The following PCDHA3 variants were observed in gnomAD, a reference collection of about 807,000 sequenced individuals.
PCDHA3 encodes the protein protocadherin alpha 3.
Under a neutral mutation model 62.2 loss-of-function variants are expected in PCDHA3, and 41 were observed. The observed-to-expected ratio is 0.66, with a 90% CI of 0.51 to 0.86. The LOEUF (loss-of-function observed/expected upper bound fraction) is 0.86. Among genes scored for constraint, PCDHA3 ranks in the 40% least tolerant of loss-of-function variants. The pLI is 0.00. For synonymous variants in PCDHA3, 640 were observed against 555.4 expected, an observed-to-expected ratio of 1.15 and a Z score of -2.14; for missense variants, 1,304 against 1,241.2, an observed-to-expected ratio of 1.05 and a Z score of -0.76.
At chr5:140,836,935 T>C in intron 1 of PCDHA3, 1 of 475,564 alleles carries the variant, frequency 2.1e-6, no homozygotes. Context: ...CGTAATACTA[T>C]AGATCAAAAT....
At chr5:140,978,907 G>A (rs782602741) in intron 1 of PCDHA3, 42 bp from the exon 2 acceptor site, 3 of 1,613,766 alleles carry the variant, frequency 1.9e-6, no homozygotes, top group South Asian at 2.2e-5. Context: ...GGAGAACATT[G>A]TCTTGTCATT....
chr5:140,837,517 T>G (rs11420784), intron 1 of PCDHA3, among the ~76,000 whole-genome samples: 2 of 28,958 alleles, frequency 6.9e-5, no homozygotes, highest in African/African-American at 3.1e-4. Context: ...AGCAGTTTAC[T>G]TTTTTTGTAT....
At position 140,801,379 on chromosome 5, in the gene PCDHA3, C is replaced by T. The variant is rs7731327; in HGVS notation, c.182C>T (p.Pro61Leu). The change falls in exon 1 of 4, where the codon CCG becomes CTG. Residue 61 changes from proline (P) to leucine (L), a missense_variant. Pro to Leu is a moderately conservative substitution (Grantham distance 98). Transcript: ENST00000522353. ...GGGCTGGAGCTGGCGGAGCTGGTGCCGCGCCTGTTCCGGGTGGCGTCCAAA... is the reference window on the plus strand; with the variant it reads ...GGGCTGGAGCTGGCGGAGCTGGTGCTGCGCCTGTTCCGGGTGGCGTCCAAA... Reference protein sequence around the residue: ...DLGLELAELVPRLFRVASKRH... With the variant: ...DLGLELAELVLRLFRVASKRH... 1.2e-6 allele frequency: 2 copies of T among 1,613,474 alleles called. No homozygotes were observed. The highest frequency in any genetic ancestry group is 1.7e-6 in the Non-Finnish European group (2 of 1,179,962).
chr5:140,883,632 T>C (rs782762437), intron 1 of PCDHA3: 1 of 1,613,936 alleles, frequency 6.2e-7, no homozygotes, highest in South Asian at 1.1e-5. Flanking sequence ...GCGCCGGCGT[T>C]CGCGCAGCCC....
chr5:140,977,342 T>C (rs1554238451), intron 1 of PCDHA3, among the ~76,000 whole-genome samples: 3 of 152,222 alleles, frequency 2.0e-5, no homozygotes, highest in Non-Finnish European at 4.4e-5. Context: ...GAGACGGTGA[T>C]GATGACTGAT....
chr5:140,827,752 C>A (rs1357431971), intron 1 of PCDHA3, among the ~76,000 whole-genome samples: 1 of 152,200 alleles, frequency 6.6e-6, no homozygotes, highest in Non-Finnish European at 1.5e-5. Context: ...AGATCCCTTA[C>A]TTTAAATTAA....
In PCDHA3 at chr5:140,883,718, G is replaced by A. The variant is rs376943163; in HGVS notation, c.2394+80127G>A. 7 of 1,613,642 alleles carry A rather than the reference G, an allele frequency of 4.3e-6. No homozygotes were observed. The South Asian group carries it at 6.6e-5, about 15-fold the overall frequency. ...CACGGTGTCTGCTCAGGACGCGGAC[G>A]CACAGGAGAACGCGCTGGTCTCCTA... On this transcript the variant is annotated intron_variant, in intron 1 of 3. Transcript: ENST00000522353.
At chr5:140,904,164 T>A (rs1475689291) in intron 1 of PCDHA3, among the ~76,000 whole-genome samples, 2 of 152,078 alleles carry the variant, frequency 1.3e-5, no homozygotes, top group South Asian at 4.1e-4. Flanking sequence ...CAGTTTGTAG[T>A]CTTTTATTCC....
intron 1 of PCDHA3, chr5:140,869,867 C>T (rs1554163562): frequency 6.2e-7 from 1 of 1,609,988 alleles, no homozygotes; most frequent in East Asian, 2.2e-5. Flanking sequence ...ATGGAAAATG[C>T]TGCTAAAGAA....
At chr5:140,820,662 A>G (rs1027521114) in intron 1 of PCDHA3, among the ~76,000 whole-genome samples, 1 of 152,094 alleles carries the variant, frequency 6.6e-6, no homozygotes, top group Admixed American at 6.5e-5. Context: ...AATTAAACTA[A>G]TATAAAGATA....
intron 1 of PCDHA3, chr5:140,870,392 G>A (rs1330154432): frequency 1.9e-6 from 3 of 1,614,136 alleles, no homozygotes; most frequent in South Asian, 2.2e-5. Context: ...CGGGATGGGG[G>A]TTCGCCTTCT....
At chr5:140,869,267 A>G in intron 1 of PCDHA3, 1 of 1,613,490 alleles carries the variant, frequency 6.2e-7, no homozygotes, top group South Asian at 1.1e-5. Flanking sequence ...CTGGGGCTGG[A>G]GCTGGCGGAG....
At chr5:140,813,867 C>G (rs1403539115) in intron 1 of PCDHA3, 7 of 152,244 alleles carry the variant, frequency 4.6e-5, no homozygotes, top group African/African-American at 1.4e-4. Context: ...GGTGTGGTGA[C>G]ACACACTTGT....
At chr5:140,825,556 C>T (rs1158185749) in intron 1 of PCDHA3, 2 of 151,628 alleles carry the variant, frequency 1.3e-5, no homozygotes, top group African/African-American at 2.4e-5. Flanking sequence ...TCCCAAGTAG[C>T]TGGGATTACA....
At chr5:140,936,875 C>T (rs1052156307) in intron 1 of PCDHA3, among the ~76,000 whole-genome samples, 13 of 151,832 alleles carry the variant, frequency 8.6e-5, no homozygotes, top group Non-Finnish European at 1.5e-5. Flanking sequence ...TTTAAAAAAC[C>T]CTGCTTTGAT....
intron 1 of PCDHA3, among the ~76,000 whole-genome samples, chr5:140,891,360 G>T (rs2063061562): frequency 6.6e-6 from 1 of 151,060 alleles, no homozygotes; most frequent in Admixed American, 6.6e-5. Context: ...CATCACCTGA[G>T]CAGTATACAT....
intron 1 of PCDHA3, among the ~76,000 whole-genome samples, chr5:140,948,865 C>A (rs1358865868): frequency 1.3e-5 from 2 of 151,324 alleles, no homozygotes; most frequent in Non-Finnish European, 3.0e-5. Context: ...TATATTACTT[C>A]GGGTTTACTT....
At chr5:140,969,919 T>C (rs773906362) in intron 1 of PCDHA3, among the ~76,000 whole-genome samples, 1 of 152,198 alleles carries the variant, frequency 6.6e-6, no homozygotes, top group South Asian at 2.1e-4. Flanking sequence ...GATAAAGCTG[T>C]AGTATTTAGA....
intron 1 of PCDHA3, among the ~76,000 whole-genome samples, chr5:140,907,524 C>T (rs562373233): frequency 2.6e-5 from 4 of 152,314 alleles, no homozygotes; most frequent in Non-Finnish European, 4.4e-5. Flanking sequence ...GAGGACAAAT[C>T]GCTGCCCTTT....
Sources: gnomAD v4.1 joint callset for allele counts (sites outside exome capture counted in the v4.1 genomes callset) on GRCh38, gnomAD v4.1.1 for gene constraint, MANE v1.5 for transcripts, NCBI Gene and HGNC (gene_info 2026-07-23, HGNC 2026-07-21) for gene names.